The following VSTM2L variants were observed in gnomAD, a reference collection of about 807,000 sequenced individuals.
VSTM2L encodes the protein V-set and transmembrane domain containing 2 like, also known as V-set and transmembrane domain-containing protein 2-like protein.
Under a neutral mutation model 19.9 loss-of-function variants are expected in VSTM2L, and 9 were observed. The observed-to-expected ratio is 0.45, with a 90% CI of 0.27 to 0.79. VSTM2L has a LOEUF of 0.79. VSTM2L is among the 30% of genes least tolerant of loss of function. The pLI is 0.15. For synonymous variants in VSTM2L, 127 were observed against 133.8 expected, an observed-to-expected ratio of 0.95 and a Z score of 0.35; for missense variants, 286 against 295.5, an observed-to-expected ratio of 0.97 and a Z score of 0.24.
At chr20:37,933,728 C>G (rs1022120961) in intron 3 of VSTM2L, 139 bp downstream of exon 3, 1 of 815,760 alleles carries the variant, frequency 1.2e-6, no homozygotes, top group African/African-American at 1.7e-5. Flanking sequence ...AAAAAATGGC[C>G]TTGCTCTGTT....
In VSTM2L at chr20:37,908,673, C is replaced by T. The variant is rs188714161; in HGVS notation, c.121+5202C>T. Among the ~76,000 whole-genome samples the T allele has an allele frequency of 2.0e-5, 3 of 152,172 alleles. No homozygotes were observed. In the East Asian group the frequency reaches 5.8e-4, roughly 30 times the overall value. On this transcript the variant is annotated intron_variant, in intron 1 of 3. Transcript: ENST00000373461. ...ACAAAAAAATAGCCAGGCATGGGTA[C>T]GCACCTGTAGTCCCAGCTACTCAGT...
intron 1 of VSTM2L, among the ~76,000 whole-genome samples, chr20:37,918,158 C>G (rs2072830311): frequency 6.6e-6 from 1 of 152,206 alleles, no homozygotes; most frequent in Middle Eastern, 3.2e-3. Flanking sequence ...AAGAGCCACA[C>G]TGGAAGAATC....
intron 1 of VSTM2L, among the ~76,000 whole-genome samples, chr20:37,921,837 C>CTTT (rs1568837638): frequency 1.1e-4 from 14 of 126,614 alleles, no homozygotes; most frequent in African/African-American, 5.0e-4. Flanking sequence ...TCTTTCTTTT[C>CTTT]CTTTTTTTTT....
chr20:37,940,961 G>T (rs2072968725), intron 3 of VSTM2L, among the ~76,000 whole-genome samples: 1 of 152,174 alleles, frequency 6.6e-6, no homozygotes, highest in South Asian at 2.1e-4. Flanking sequence ...TCAACATGTG[G>T]GGATTACACT....
chr20:37,906,373 G>A (rs1295809935), intron 1 of VSTM2L, among the ~76,000 whole-genome samples: 1 of 152,226 alleles, frequency 6.6e-6, no homozygotes, highest in Non-Finnish European at 1.5e-5. Context: ...GATGGTCCGT[G>A]TCTGCACCTA....
chr20:37,909,119 G>A (rs2122934211), intron 1 of VSTM2L, among the ~76,000 whole-genome samples: 2 of 152,290 alleles, frequency 1.3e-5, no homozygotes, highest in Middle Eastern at 6.8e-3. Flanking sequence ...GAGCAGGGCT[G>A]GGACTTGAGG....
intron 1 of VSTM2L, among the ~76,000 whole-genome samples, chr20:37,924,408 C>T (rs2072868440): frequency 6.8e-6 from 1 of 147,782 alleles, no homozygotes; most frequent in South Asian, 2.1e-4. Context: ...CAATAATTAG[C>T]TGGGCGTGGT....
At chr20:37,918,490 G>T (rs1018957106) in intron 1 of VSTM2L, among the ~76,000 whole-genome samples, 8 of 152,210 alleles carry the variant, frequency 5.3e-5, no homozygotes, top group Non-Finnish European at 7.3e-5. Flanking sequence ...TAGAATTTAC[G>T]AATGCTGTTT....
In VSTM2L at chr20:37,944,440, T is replaced by A; in HGVS notation, c.*187T>A. The A allele has an allele frequency of 1.9e-5, 19 of 989,742 alleles. No homozygotes were observed. Among genetic ancestry groups the A allele is most frequent in the South Asian group, 6.4e-5 (2 of 31,414 alleles). The allele number at this position is 989,742 out of a possible 1,614,324, so 61.3% of individuals were successfully genotyped here. A position where few individuals can be genotyped will look rare whatever the true frequency, so the allele number is the denominator to read the frequency against. Reference sequence around the variant, plus strand: ...TGTAAGCCCCACCCACCCCTGCCCTTTCAGACCCCTGCGGTGACCTGGCTC... The same window carrying A: ...TGTAAGCCCCACCCACCCCTGCCCTATCAGACCCCTGCGGTGACCTGGCTC... On this transcript the variant is annotated 3_prime_UTR_variant, in exon 4 of 4. Coordinates refer to ENST00000373461, the MANE Select transcript of VSTM2L (RefSeq NM_080607.3).
intron 1 of VSTM2L, among the ~76,000 whole-genome samples, chr20:37,907,670 T>TAC (rs372225795): frequency 4.0e-4 from 55 of 136,712 alleles, no homozygotes; most frequent in Non-Finnish European, 7.5e-4. Flanking sequence ...CACACACCCC[T>TAC]ACACACACAC....
intron 3 of VSTM2L, among the ~76,000 whole-genome samples, chr20:37,933,931 C>T (rs1277166962): frequency 1.3e-5 from 2 of 152,206 alleles, no homozygotes; most frequent in East Asian, 3.8e-4. Context: ...TTTGGCCTAT[C>T]ATGACTGACT....
At chr20:37,933,380 C>A (rs2072921548) in intron 2 of VSTM2L, among the ~76,000 whole-genome samples, 159 bp from the exon 3 acceptor site, 1 of 152,186 alleles carries the variant, frequency 6.6e-6, no homozygotes, top group Admixed American at 6.5e-5. Context: ...GAAAGGGACC[C>A]CAACTCCAGA....
In VSTM2L at chr20:37,903,665, A is replaced by G. The variant is rs552889098; in HGVS notation, c.121+194A>G. Among the ~76,000 whole-genome samples, 302 of 152,166 alleles carry G rather than the reference A, an allele frequency of 2.0e-3. 3 individuals are homozygous for G. The highest frequency in any genetic ancestry group is 6.9e-3 in the African/African-American group (288 of 41,534). On this transcript the variant is annotated intron_variant, in intron 1 of 3. Transcript: ENST00000373461. ...AGGGGGCACCCGGGGCGCACCCCCG[A>G]ACCTCCTCCCCACACACTCGCGCGG...
intron 1 of VSTM2L, among the ~76,000 whole-genome samples, chr20:37,920,620 C>G (rs558970963): frequency 8.5e-5 from 13 of 152,328 alleles, no homozygotes; most frequent in Admixed American, 8.5e-4. Context: ...GCCACAAGGG[C>G]CAGGAGGAGA....
intron 3 of VSTM2L, among the ~76,000 whole-genome samples, chr20:37,935,524 C>T (rs2072934533): frequency 1.3e-5 from 2 of 152,144 alleles, no homozygotes; most frequent in Non-Finnish European, 2.9e-5. Context: ...CATTCCTTCC[C>T]ACCTCCAGGC....
intron 3 of VSTM2L, among the ~76,000 whole-genome samples, chr20:37,939,017 T>C (rs56283308): frequency 0.015 from 2,250 of 152,176 alleles, 62 homozygotes; most frequent in African/African-American, 0.052. Context: ...GTGGCCTCTG[T>C]CACCAGCTGG....
chr20:37,914,120 T>C (rs2072796469), intron 1 of VSTM2L, among the ~76,000 whole-genome samples: 1 of 151,650 alleles, frequency 6.6e-6, no homozygotes, highest in Admixed American at 6.6e-5. Flanking sequence ...GAATTGTGTG[T>C]GTGTGTGCGC....
chr20:37,933,697 A>C, intron 3 of VSTM2L, 108 bp downstream of exon 3: 2 of 1,098,232 alleles, frequency 1.8e-6, no homozygotes, highest in Non-Finnish European at 2.6e-6. Flanking sequence ...AGAAGATGGA[A>C]GAGAAGAAAA....
chr20:37,937,080 G>A (rs897859716), intron 3 of VSTM2L, among the ~76,000 whole-genome samples: 1 of 152,108 alleles, frequency 6.6e-6, no homozygotes, highest in East Asian at 1.9e-4. Flanking sequence ...AATTAGCCAG[G>A]TGTGGTGGTG....
Sources: gnomAD v4.1 joint callset for allele counts (sites outside exome capture counted in the v4.1 genomes callset) on GRCh38, gnomAD v4.1.1 for gene constraint, MANE v1.5 for transcripts, NCBI Gene and HGNC (gene_info 2026-07-23, HGNC 2026-07-21) for gene names.